Variants in RELN observed in about 807,000 individuals in gnomAD.
RELN encodes reelin.
In RELN, 108 loss-of-function variants were observed where a neutral mutation model predicts 427.6. The observed-to-expected ratio is 0.25, with a 90% CI of 0.22 to 0.30. RELN has a LOEUF of 0.30. Ranked by LOEUF, RELN falls within the 10% of genes least tolerant of loss-of-function variation. The pLI is 1.00. For synonymous variants in RELN, 1,524 were observed against 1,513.4 expected, an observed-to-expected ratio of 1.01 and a Z score of -0.16; for missense variants, 3,715 against 4,302.8, an observed-to-expected ratio of 0.86 and a Z score of 3.82.
intron 2 of RELN, among the ~76,000 whole-genome samples, chr7:103,851,147 T>C (rs10231369): frequency 0.3 from 45,468 of 152,114 alleles, 7,290 homozygotes; most frequent in East Asian, 0.62. Context: ...TGGAATACTA[T>C]GCAGCCATAA....
At chr7:103,898,609 T>C (rs1795014099) in intron 2 of RELN, among the ~76,000 whole-genome samples, 1 of 152,028 alleles carries the variant, frequency 6.6e-6, no homozygotes, top group Non-Finnish European at 1.5e-5. Context: ...GTGTGCGTAA[T>C]TTTAAACATC....
intron 61 of RELN, among the ~76,000 whole-genome samples, chr7:103,485,032 G>A (rs781188359): frequency 1.6e-4 from 25 of 152,100 alleles, no homozygotes; most frequent in Admixed American, 2.6e-4. Flanking sequence ...ATCATCATAA[G>A]ATTCCTCATG....
At chr7:103,503,348 G>A in intron 51 of RELN, 118 bp from the exon 52 acceptor site, 1 of 820,836 alleles carries the variant, frequency 1.2e-6, no homozygotes, top group Non-Finnish European at 2.0e-6. Flanking sequence ...CATCCATCCT[G>A]TATTTTCAGA....
intron 3 of RELN, among the ~76,000 whole-genome samples, chr7:103,807,076 A>T (rs900311838): frequency 6.6e-6 from 1 of 152,224 alleles, no homozygotes; most frequent in African/African-American, 2.4e-5. Flanking sequence ...GGAGACTGAG[A>T]GGAGGTACCG....
chr7:103,808,615 G>A (rs910690888), intron 3 of RELN, among the ~76,000 whole-genome samples: 2 of 151,578 alleles, frequency 1.3e-5, no homozygotes, highest in African/African-American at 4.8e-5. Flanking sequence ...ATATTTTATA[G>A]AAGTTAAAAT....
At chr7:103,922,405 C>A (rs1054864962) in intron 1 of RELN, among the ~76,000 whole-genome samples, 1 of 152,012 alleles carries the variant, frequency 6.6e-6, no homozygotes, top group African/African-American at 2.4e-5. Context: ...GTCACTAAGA[C>A]TTTACACCAT....
chr7:103,787,683 C>G (rs574482792), intron 3 of RELN, among the ~76,000 whole-genome samples: 2 of 152,266 alleles, frequency 1.3e-5, no homozygotes, highest in East Asian at 3.9e-4. Flanking sequence ...GAAATTGAAG[C>G]AGTAAATAAT....
At position 103,894,647 on chromosome 7, in the gene RELN, CA is replaced by C. The variant is rs145780690; in HGVS notation, c.337+22427del. 3.9e-3 allele frequency among the ~76,000 whole-genome samples: 601 copies of C among 152,222 alleles called. 21 individuals carry two copies. In the East Asian group the frequency reaches 0.072, roughly 18 times the overall value. On this transcript the variant is annotated intron_variant, in intron 2 of 64. Coordinates refer to ENST00000428762, the MANE Select transcript of RELN (RefSeq NM_005045.4). Reference sequence around the variant, plus strand: ...TTTTATTTTCTTCTTTGTGAATCTCCAGTTACCGATTTCGTGCACTCAAGTC... The same window carrying C: ...TTTTATTTTCTTCTTTGTGAATCTCCGTTACCGATTTCGTGCACTCAAGTC...
At chr7:103,609,926 T>C (rs1465568354) in intron 22 of RELN, among the ~76,000 whole-genome samples, 1 of 152,182 alleles carries the variant, frequency 6.6e-6, no homozygotes, top group African/African-American at 2.4e-5. Context: ...TTAAACCTTT[T>C]CATTATACTT....
chr7:103,505,841 G>GA (rs1252099829), intron 51 of RELN, among the ~76,000 whole-genome samples: 1 of 152,052 alleles, frequency 6.6e-6, no homozygotes, highest in Admixed American at 6.5e-5. Context: ...TAAGAACCTT[G>GA]AAAAAAGGTT....
chr7:103,682,287 T>C (rs1406599677), intron 10 of RELN, 26 bp from the exon 11 acceptor site: 2 of 1,613,514 alleles, frequency 1.2e-6, no homozygotes, highest in African/African-American at 2.7e-5. Flanking sequence ...GAGCACGGGG[T>C]GGCTGTTGAA....
At chr7:103,498,031 A>C (rs750532965) in intron 54 of RELN, 46 bp downstream of exon 54, 1 of 1,607,392 alleles carries the variant, frequency 6.2e-7, no homozygotes, top group Admixed American at 1.7e-5. Flanking sequence ...CTTTGGGACC[A>C]ATTTGCTATG....
At chr7:103,883,220 T>C (rs1016509770) in intron 2 of RELN, among the ~76,000 whole-genome samples, 5 of 152,174 alleles carry the variant, frequency 3.3e-5, no homozygotes, top group Non-Finnish European at 7.3e-5. Context: ...GAAAAGGCCT[T>C]TGACAAAATT....
At chr7:103,899,691 C>T (rs57876890) in intron 2 of RELN, among the ~76,000 whole-genome samples, 12,004 of 152,036 alleles carry the variant, frequency 0.079, 636 homozygotes, top group African/African-American at 0.16. Context: ...ACAGAACCAA[C>T]GACAAAAACC....
intron 27 of RELN, among the ~76,000 whole-genome samples, chr7:103,590,818 T>C (rs82878): frequency 0.19 from 28,222 of 152,166 alleles, 2,888 homozygotes; most frequent in Middle Eastern, 0.36. Flanking sequence ...TCTTCTGATC[T>C]TTATAGGGAA....
chr7:103,756,732 C>T (rs370289383), intron 4 of RELN, among the ~76,000 whole-genome samples: 1 of 150,948 alleles, frequency 6.6e-6, no homozygotes, highest in South Asian at 2.1e-4. Context: ...AAATTTACAT[C>T]GTATTTTAAA....
intron 51 of RELN, 89 bp from the exon 52 acceptor site, chr7:103,503,319 C>G: frequency 9.8e-7 from 1 of 1,019,164 alleles, no homozygotes; most frequent in African/African-American, 1.6e-5. Context: ...CTGCTGATCA[C>G]TTGATATACA....
chr7:103,762,243 G>A (rs1375172760), intron 4 of RELN, among the ~76,000 whole-genome samples: 5 of 152,080 alleles, frequency 3.3e-5, no homozygotes, highest in Non-Finnish European at 5.9e-5. Context: ...CCAGCTTGGC[G>A]CCTAGATTTG....
At chr7:103,473,990 T>G (rs946260573) in intron 64 of RELN, among the ~76,000 whole-genome samples, 1 of 152,106 alleles carries the variant, frequency 6.6e-6, no homozygotes, top group Non-Finnish European at 1.5e-5. Flanking sequence ...GACATGAACT[T>G]GAGTTAGGGT....
Sources: gnomAD v4.1 joint callset for allele counts (sites outside exome capture counted in the v4.1 genomes callset) on GRCh38, gnomAD v4.1.1 for gene constraint, MANE v1.5 for transcripts, NCBI Gene and HGNC (gene_info 2026-07-23, HGNC 2026-07-21) for gene names.